The following NEK7 variants were observed in gnomAD, a reference collection of about 807,000 sequenced individuals.
NEK7 encodes the protein NIMA related kinase 7.
A neutral mutation model predicts 44.6 loss-of-function variants in NEK7; 18 were observed. The observed-to-expected ratio is 0.40, with a 90% CI of 0.28 to 0.60. The LOEUF is 0.60. Ranked by LOEUF, NEK7 falls within the 20% of genes least tolerant of loss-of-function variation. The pLI is 0.38. For missense variants in NEK7, 256 were observed against 366.5 expected (o/e 0.70, Z 2.46); for synonymous variants, 130 against 121.1 (o/e 1.07, Z -0.48).
intron 2 of NEK7, among the ~76,000 whole-genome samples, chr1:198,233,913 G>A (rs1479540681): frequency 6.6e-6 from 1 of 151,806 alleles, no homozygotes; most frequent in Non-Finnish European, 1.5e-5. Context: ...CATCCTTTAA[G>A]GACCAACAAC....
At chr1:198,179,477 G>T (rs1664695565) in intron 1 of NEK7, among the ~76,000 whole-genome samples, 1 of 152,040 alleles carries the variant, frequency 6.6e-6, no homozygotes, top group African/African-American at 2.4e-5. Flanking sequence ...AATTCATACA[G>T]ATTCTTGAAC....
intron 2 of NEK7, among the ~76,000 whole-genome samples, chr1:198,234,659 GC>G (rs1666495848): frequency 3.3e-5 from 5 of 152,190 alleles, no homozygotes; most frequent in Admixed American, 3.3e-4. Context: ...ACACTGGGCT[GC>G]CCCACAGTAT....
chr1:198,218,673 CA>C (rs1250725320), intron 1 of NEK7, among the ~76,000 whole-genome samples: 1 of 149,260 alleles, frequency 6.7e-6, no homozygotes, highest in East Asian at 1.9e-4. Flanking sequence ...ATGAACCCAA[CA>C]AAGGACTGAT....
At chr1:198,157,348 G>A in intron 1 of NEK7, 72 bp downstream of exon 1, 1 of 152,328 alleles carries the variant, frequency 6.6e-6, no homozygotes, top group Non-Finnish European at 1.5e-5. Flanking sequence ...TGCGGGAGTC[G>A]GGCCGGGAGA....
intron 5 of NEK7, among the ~76,000 whole-genome samples, chr1:198,267,506 C>T (rs997199343): frequency 4.6e-5 from 7 of 151,916 alleles, no homozygotes; most frequent in African/African-American, 9.7e-5. Flanking sequence ...TGTAGTGGTG[C>T]GATCTCAGCT....
chr1:198,280,000 T>A (rs1489931218), intron 7 of NEK7, among the ~76,000 whole-genome samples: 1 of 152,082 alleles, frequency 6.6e-6, no homozygotes, highest in African/African-American at 2.4e-5. Flanking sequence ...TTTGCATTTT[T>A]AACAGGATTT....
At chr1:198,243,719 G>A (rs1389511798) in intron 2 of NEK7, among the ~76,000 whole-genome samples, 2 of 152,066 alleles carry the variant, frequency 1.3e-5, no homozygotes, top group Non-Finnish European at 2.9e-5. Flanking sequence ...TTTGATAAAA[G>A]GCCGGTTTTA....
rs567454179 is a variant in NEK7, at chr1:198,255,203, A to T, written c.198+2023A>T. 1.6e-4 allele frequency among the ~76,000 whole-genome samples: 24 copies of T among 152,316 alleles called. No individual in the cohort carries two copies. The South Asian group carries it at 4.3e-3, about 28-fold the overall frequency. On this transcript the variant is annotated intron_variant, in intron 3 of 9. Transcript: ENST00000367385. ...AGCCAGACAGAGGAATTTGAACCGT[A>T]GGCAATTGAGGATGCATTGTGGACT...
At chr1:198,305,703 C>A (rs1435692539) in intron 9 of NEK7, among the ~76,000 whole-genome samples, 2 of 152,100 alleles carry the variant, frequency 1.3e-5, no homozygotes, top group East Asian at 3.9e-4. Context: ...TTAAATATAT[C>A]CCTCACAGAT....
intron 1 of NEK7, among the ~76,000 whole-genome samples, chr1:198,214,182 A>G (rs1267801706): frequency 2.0e-5 from 3 of 152,238 alleles, no homozygotes; most frequent in African/African-American, 7.2e-5. Context: ...ACCCAGTTGA[A>G]TAAAAAATAA....
At chr1:198,252,261 C>T (rs905767709) in intron 2 of NEK7, among the ~76,000 whole-genome samples, 1 of 151,760 alleles carries the variant, frequency 6.6e-6, no homozygotes, top group Admixed American at 6.6e-5. Context: ...AATTTCTGAT[C>T]TTTTACATTT....
At chr1:198,175,718 C>A (rs1664585792) in intron 1 of NEK7, among the ~76,000 whole-genome samples, 1 of 152,146 alleles carries the variant, frequency 6.6e-6, no homozygotes, top group African/African-American at 2.4e-5. Context: ...CACAGTTAAC[C>A]TAAACAAATA....
At chr1:198,249,500 C>T (rs939156016) in intron 2 of NEK7, among the ~76,000 whole-genome samples, 6 of 151,998 alleles carry the variant, frequency 3.9e-5, no homozygotes, top group African/African-American at 1.5e-4. Context: ...AGTTTATAGT[C>T]CCACCAACAG....
In NEK7 at chr1:198,209,058, T is replaced by TAC. The variant is rs1192947076; in HGVS notation, c.-28-23485_-28-23484dup. On this transcript the variant is annotated intron_variant, in intron 1 of 9. Coordinates refer to ENST00000367385, the MANE Select transcript of NEK7 (RefSeq NM_133494.3). ...GTGTGTATATATATATATATATATA[T>TAC]ACACACACACATACGCACATATGTA... 2.4e-3 allele frequency among the ~76,000 whole-genome samples: 249 copies of TAC among 101,806 alleles called. 2 individuals are homozygous for TAC. The highest frequency in any genetic ancestry group is 9.6e-3 in the African/African-American group (215 of 22,442). The allele number at this position is 101,806 out of a possible 152,430, so 66.8% of individuals were successfully genotyped here. A position where few individuals can be genotyped will look rare whatever the true frequency, so the allele number is the denominator to read the frequency against.
At chr1:198,158,055 G>T (rs1457063629) in intron 1 of NEK7, among the ~76,000 whole-genome samples, 1 of 152,162 alleles carries the variant, frequency 6.6e-6, no homozygotes, top group Non-Finnish European at 1.5e-5. Context: ...AAGAACTTCT[G>T]TTGCCTCTGT....
intron 9 of NEK7, among the ~76,000 whole-genome samples, chr1:198,304,650 C>G (rs1448817648): frequency 6.6e-6 from 1 of 152,118 alleles, no homozygotes; most frequent in Non-Finnish European, 1.5e-5. Flanking sequence ...TGAACTTGAT[C>G]TGTAATTGGG....
intron 9 of NEK7, among the ~76,000 whole-genome samples, chr1:198,312,490 G>A (rs1468338883): frequency 1.3e-5 from 2 of 152,140 alleles, no homozygotes; most frequent in African/African-American, 2.4e-5. Flanking sequence ...GCTTTTGAAT[G>A]TGTTTGCTCT....
chr1:198,269,176 C>T (rs1415357501), intron 5 of NEK7, among the ~76,000 whole-genome samples: 2 of 152,096 alleles, frequency 1.3e-5, no homozygotes, highest in East Asian at 1.9e-4. Context: ...GCTTCTAGCT[C>T]ATAGCACCAA....
intron 2 of NEK7, among the ~76,000 whole-genome samples, chr1:198,250,096 A>C (rs1430700171): frequency 6.7e-6 from 1 of 149,112 alleles, no homozygotes; most frequent in African/African-American, 2.5e-5. Context: ...CTTTCTACAT[A>C]TGGCTAGCCA....
Sources: allele counts gnomAD v4.1 joint callset (sites outside exome capture counted in the v4.1 genomes callset), GRCh38; gene constraint gnomAD v4.1.1; transcripts MANE v1.5; gene names NCBI Gene and HGNC (gene_info 2026-07-23, HGNC 2026-07-21).